FAM107A: variants seen among roughly 807,000 people sequenced by gnomAD.
FAM107A encodes the protein family with sequence similarity 107 member A, also known as actin-associated protein FAM107A.
A neutral mutation model predicts 13.7 loss-of-function variants in FAM107A; 19 were observed. The observed-to-expected ratio is 1.38, with a 90% CI of 0.97 to 2.03. The LOEUF (loss-of-function observed/expected upper bound fraction) is 2.03. FAM107A is among the 30% of genes most tolerant of loss of function. The probability of loss-of-function intolerance (pLI) is 0.00; values close to 1 mark genes in which losing one functional copy is unlikely to be tolerated. For missense variants in FAM107A, 203 were observed against 184.4 expected, an observed-to-expected ratio of 1.10 and a Z score of -0.58; for synonymous variants, 82 against 74.5, an observed-to-expected ratio of 1.10 and a Z score of -0.52.
intron 1 of FAM107A, among the ~76,000 whole-genome samples, chr3:58,623,254 C>A (rs535370937): frequency 6.6e-6 from 1 of 152,332 alleles, no homozygotes; most frequent in South Asian, 2.1e-4. Flanking sequence ...AGGCAACTTT[C>A]TCTTAATGAA....
At chr3:58,625,549 G>T (rs1045976920) in intron 1 of FAM107A, among the ~76,000 whole-genome samples, 4 of 152,152 alleles carry the variant, frequency 2.6e-5, no homozygotes, top group Non-Finnish European at 5.9e-5. Context: ...TGTACCTGGG[G>T]CCTGTAAGAG....
chr3:58,619,138 C>CT (rs1432095145), intron 1 of FAM107A, among the ~76,000 whole-genome samples: 8 of 152,054 alleles, frequency 5.3e-5, no homozygotes, highest in Admixed American at 5.2e-4. Flanking sequence ...GTAGCTGGGA[C>CT]TACATGTGCA....
upstream of FAM107A, among the ~76,000 whole-genome samples, chr3:58,579,974 A>ATTG (rs1320005851): frequency 2.6e-5 from 4 of 152,210 alleles, no homozygotes; most frequent in Non-Finnish European, 5.9e-5. Flanking sequence ...AACTATTGTT[A>ATTG]ACCTGAAGAC....
At chr3:58,582,476 C>T (rs368847282), upstream of FAM107A, among the ~76,000 whole-genome samples, 36 of 152,208 alleles carry the variant, frequency 2.4e-4, no homozygotes, top group Admixed American at 8.5e-4. Context: ...TGCAGGTTAA[C>T]GCCCCTCAAG....
intron 1 of FAM107A, among the ~76,000 whole-genome samples, chr3:58,615,071 G>A (rs560973790): frequency 6.6e-6 from 1 of 152,350 alleles, no homozygotes; most frequent in African/African-American, 2.4e-5. Context: ...CTCCCAAAGT[G>A]CTGAGATTAC....
intron 1 of FAM107A, among the ~76,000 whole-genome samples, chr3:58,626,350 T>TGAAAGC (rs2066017191): frequency 6.6e-6 from 1 of 152,176 alleles, no homozygotes; most frequent in East Asian, 1.9e-4. Flanking sequence ...GGCAATGCTG[T>TGAAAGC]CTACAAACCC....
At chr3:58,585,362 C>G (rs1310770010) in intron 1 of FAM107A, among the ~76,000 whole-genome samples, 2 of 152,240 alleles carry the variant, frequency 1.3e-5, no homozygotes, top group Admixed American at 1.3e-4. Flanking sequence ...TCTGCCTGTC[C>G]CGCCTCAGCA....
chr3:58,590,089 A>G (rs2065643699), upstream of FAM107A, among the ~76,000 whole-genome samples: 1 of 152,158 alleles, frequency 6.6e-6, no homozygotes, highest in South Asian at 2.1e-4. Flanking sequence ...TACATTATAT[A>G]TTTTCAATCT....
intron 1 of FAM107A, among the ~76,000 whole-genome samples, chr3:58,570,833 A>G (rs1195766169): frequency 6.6e-6 from 1 of 152,224 alleles, no homozygotes; most frequent in Admixed American, 6.5e-5. Flanking sequence ...GTAGGCGATC[A>G]ATACACATTT....
chr3:58,623,016 T>A (rs759352526), intron 1 of FAM107A, among the ~76,000 whole-genome samples: 1 of 152,098 alleles, frequency 6.6e-6, no homozygotes, highest in Admixed American at 6.5e-5. Context: ...GATGAGGTCC[T>A]CACACGTCAC....
rs1256064250 is a variant in FAM107A at position 58,613,774 on chromosome 3, C to T, written c.-70+13642G>A. Among the ~76,000 whole-genome samples, 1 of 152,226 alleles carries T rather than the reference C, an allele frequency of 6.6e-6. No individual in the cohort carries two copies. Among genetic ancestry groups the T allele is most frequent in the African/African-American group, 2.4e-5 (1 of 41,462 alleles). ...ACCCTCCCAAGTGCTCAGCTTACCACAGCTGCCAAGTCCTTGCCCTGGGAT... is the reference window on the plus strand; with the variant it reads ...ACCCTCCCAAGTGCTCAGCTTACCATAGCTGCCAAGTCCTTGCCCTGGGAT... On this transcript the variant is annotated intron_variant, in intron 1 of 3. Coordinates refer to the FAM107A transcript ENST00000465970. The surrounding 1 kb of genome is among the most constrained non-coding windows in gnomAD (Gnocchi z 4.6).
rs552640925 is a variant in FAM107A, at chr3:58,617,419, G to A, written c.-70+9997C>T. Among the ~76,000 whole-genome samples, 8 of 152,180 alleles carry A rather than the reference G, an allele frequency of 5.3e-5. No individual in the cohort carries two copies. Among genetic ancestry groups the A allele is most frequent in the East Asian group, 1.9e-4 (1 of 5,156 alleles). On this transcript the variant is annotated intron_variant, in intron 1 of 3. Coordinates refer to the FAM107A transcript ENST00000465970. This position sits in a 1 kb window ranked among gnomAD's most constrained non-coding sequence, Gnocchi z 4.5. Reference sequence around the variant, plus strand: ...CCCGTCCTGAGCTTCCTGAGGAGCCGGATGTCACCTAGACCAAGCCAGGCT... The same window carrying A: ...CCCGTCCTGAGCTTCCTGAGGAGCCAGATGTCACCTAGACCAAGCCAGGCT...
intron 1 of FAM107A, among the ~76,000 whole-genome samples, chr3:58,620,546 G>A (rs1463057421): frequency 6.6e-6 from 1 of 152,232 alleles, no homozygotes; most frequent in Non-Finnish European, 1.5e-5. Flanking sequence ...TCCCTCCTAA[G>A]CTGGGCTTCC....
At chr3:58,575,596 C>A (rs78573064) in intron 1 of FAM107A, among the ~76,000 whole-genome samples, 2,003 of 152,356 alleles carry the variant, frequency 0.013, 33 homozygotes, top group African/African-American at 0.046. Context: ...TACCTCTCCA[C>A]TGTCTTCAAG....
At chr3:58,580,081 A>G (rs910801285), upstream of FAM107A, among the ~76,000 whole-genome samples, 2 of 151,654 alleles carry the variant, frequency 1.3e-5, no homozygotes, top group Non-Finnish European at 2.9e-5. Context: ...GCCAACCACC[A>G]CCCTTTCCCA....
intron 1 of FAM107A, among the ~76,000 whole-genome samples, chr3:58,571,094 T>C (rs1244217620): frequency 1.3e-5 from 2 of 152,202 alleles, no homozygotes; most frequent in Non-Finnish European, 2.9e-5. Flanking sequence ...TGTGAAAACC[T>C]GAAAGTGGCA....
intron 1 of FAM107A, among the ~76,000 whole-genome samples, chr3:58,602,199 A>G (rs929015366): frequency 1.3e-5 from 2 of 152,226 alleles, no homozygotes; most frequent in Admixed American, 1.3e-4. Context: ...CAAACGGTCC[A>G]CAAACGTAAG....
intron 1 of FAM107A, among the ~76,000 whole-genome samples, chr3:58,615,722 A>G (rs1002626941): frequency 1.8e-4 from 27 of 151,720 alleles, no homozygotes; most frequent in African/African-American, 4.1e-4. Flanking sequence ...ATGGTGAGAC[A>G]CTGTCTCTAC....
At chr3:58,590,493 TAA>T (rs2065646639), upstream of FAM107A, among the ~76,000 whole-genome samples, 1 of 152,230 alleles carries the variant, frequency 6.6e-6, no homozygotes, top group Admixed American at 6.5e-5. Flanking sequence ...CACACTGCTA[TAA>T]AGATACTACC....
Sources: gnomAD v4.1 joint callset for allele counts (sites outside exome capture counted in the v4.1 genomes callset) on GRCh38, gnomAD v4.1.1 for gene constraint, Gnocchi (gnomAD v3.1) non-coding constraint, MANE v1.5 for transcripts, NCBI Gene and HGNC (gene_info 2026-07-23, HGNC 2026-07-21) for gene names.